RAVER2: variants seen among roughly 807,000 people sequenced by gnomAD.
RAVER2 encodes ribonucleoprotein, PTB binding 2.
Under a neutral mutation model 78.1 loss-of-function variants are expected in RAVER2, and 46 were observed. The ratio of observed to expected loss-of-function variants is 0.59; its 90% CI spans 0.46 to 0.75. RAVER2 has a LOEUF of 0.75. Among genes scored for constraint, RAVER2 ranks in the 30% least tolerant of loss-of-function variants. The pLI is 0.00. For missense variants in RAVER2, 793 were observed against 837.5 expected (o/e 0.95, Z 0.66); for synonymous variants, 311 against 313.3 (o/e 0.99, Z 0.08).
chr1:64,804,107 T>G (rs1653345202), intron 6 of RAVER2, among the ~76,000 whole-genome samples: 1 of 152,152 alleles, frequency 6.6e-6, no homozygotes. Context: ...CTCCTGCTGG[T>G]CCTTCTTCCT....
chr1:64,762,231 A>G (rs1652041963), intron 1 of RAVER2, among the ~76,000 whole-genome samples: 1 of 152,236 alleles, frequency 6.6e-6, no homozygotes, highest in Admixed American at 6.5e-5. Context: ...CGAAATCTCT[A>G]CACTGAAGAC....
At chr1:64,821,246 A>G (rs1421855968) in intron 11 of RAVER2, among the ~76,000 whole-genome samples, 1 of 151,954 alleles carries the variant, frequency 6.6e-6, no homozygotes, top group African/African-American at 2.4e-5. Context: ...GCCCACTTTA[A>G]TGGGGTTGTT....
chr1:64,821,335 C>T (rs1019532993), intron 11 of RAVER2, among the ~76,000 whole-genome samples: 1 of 152,100 alleles, frequency 6.6e-6, no homozygotes, highest in African/African-American at 2.4e-5. Context: ...AAAATTTTCT[C>T]CCATTCTGTA....
chr1:64,785,267 C>T (rs1295567781), intron 4 of RAVER2, among the ~76,000 whole-genome samples: 1 of 151,860 alleles, frequency 6.6e-6, no homozygotes, highest in Non-Finnish European at 1.5e-5. Flanking sequence ...AATATTTCTA[C>T]AACTATTGAG....
At chr1:64,803,055 A>T in exon 6 of RAVER2, 1 of 1,581,756 alleles carries the variant, frequency 6.3e-7, no homozygotes, top group Non-Finnish European at 8.7e-7. Context: ...TGAATAAAGC[A>T]CATCAGGTAC....
intron 5 of RAVER2, among the ~76,000 whole-genome samples, chr1:64,792,677 G>T (rs1264777063): frequency 1.3e-5 from 2 of 152,138 alleles, no homozygotes; most frequent in Non-Finnish European, 1.5e-5. Flanking sequence ...TTTTTCTTGT[G>T]TGGGGTGGAA....
chr1:64,804,928 G>T (rs1653370712), intron 7 of RAVER2, 63 bp from the exon 8 acceptor site: 1 of 1,544,146 alleles, frequency 6.5e-7, no homozygotes, highest in Non-Finnish European at 8.9e-7. Context: ...ATTTTCACGT[G>T]TGTAGCTTTT....
At chr1:64,823,703 A>C (rs570272874) in intron 11 of RAVER2, among the ~76,000 whole-genome samples, 1 of 152,338 alleles carries the variant, frequency 6.6e-6, no homozygotes, top group South Asian at 2.1e-4. Context: ...AATAGGTAAA[A>C]ATATATCTTA....
At chr1:64,823,189 CAG>C (rs1265339712) in intron 11 of RAVER2, among the ~76,000 whole-genome samples, 1 of 152,166 alleles carries the variant, frequency 6.6e-6, no homozygotes, top group Non-Finnish European at 1.5e-5. Context: ...CTGTACTAAA[CAG>C]AGAATAGCAT....
At chr1:64,777,266 A>T (rs1464198362) in intron 2 of RAVER2, among the ~76,000 whole-genome samples, 1 of 152,140 alleles carries the variant, frequency 6.6e-6, no homozygotes, top group East Asian at 1.9e-4. Context: ...ATAAAATTTT[A>T]TATCACAGGT....
intron 1 of RAVER2, among the ~76,000 whole-genome samples, chr1:64,750,663 T>C (rs1471743276): frequency 1.3e-5 from 2 of 152,218 alleles, no homozygotes; most frequent in Non-Finnish European, 2.9e-5. Flanking sequence ...ATTTGGTAAT[T>C]ATTGCCTCTT....
chr1:64,795,246 G>GT (rs1653065174), intron 5 of RAVER2, among the ~76,000 whole-genome samples: 1 of 152,080 alleles, frequency 6.6e-6, no homozygotes, highest in Admixed American at 6.5e-5. Context: ...ATCAGTTAGT[G>GT]TAAGTCCTTC....
intron 1 of RAVER2, among the ~76,000 whole-genome samples, chr1:64,763,456 T>C (rs545854892): frequency 6.6e-6 from 1 of 152,174 alleles, no homozygotes; most frequent in Non-Finnish European, 1.5e-5. Context: ...AAGGCCATAG[T>C]TGGATACACC....
intron 7 of RAVER2, 30 bp downstream of exon 7, chr1:64,804,868 A>G: frequency 6.6e-7 from 1 of 1,516,002 alleles, no homozygotes; most frequent in Non-Finnish European, 9.1e-7. Context: ...TTCTTTTAAA[A>G]TCAGTTCATT....
intron 5 of RAVER2, among the ~76,000 whole-genome samples, chr1:64,798,511 A>G (rs1473006228): frequency 6.6e-6 from 1 of 151,924 alleles, no homozygotes; most frequent in African/African-American, 2.4e-5. Context: ...TGACTTCCAC[A>G]ATGGTTGAAC....
At chr1:64,822,266 T>C (rs1164238212) in intron 11 of RAVER2, among the ~76,000 whole-genome samples, 2 of 152,258 alleles carry the variant, frequency 1.3e-5, no homozygotes, top group East Asian at 1.9e-4. Context: ...CCAGCCCAGG[T>C]GACAGAGCGA....
intron 3 of RAVER2, among the ~76,000 whole-genome samples, chr1:64,779,592 C>T (rs199953272): frequency 1.3e-5 from 2 of 150,692 alleles, no homozygotes; most frequent in African/African-American, 4.9e-5. Context: ...TGCCAGGCTG[C>T]TCTCAAACAC....
At chr1:64,807,365 G>A in exon 9 of RAVER2, 12 of 1,614,078 alleles carry the variant, frequency 7.4e-6, no homozygotes, top group Non-Finnish European at 1.0e-5. Context: ...AATTTCTCAG[G>A]GTCGCAGCCT....
intron 5 of RAVER2, among the ~76,000 whole-genome samples, chr1:64,791,974 T>C (rs1652955194): frequency 6.6e-6 from 1 of 152,216 alleles, no homozygotes; most frequent in African/African-American, 2.4e-5. Context: ...TGCAACTTTA[T>C]CAGTAAAATA....
Sources: allele counts gnomAD v4.1 joint callset (sites outside exome capture counted in the v4.1 genomes callset), GRCh38; gene constraint gnomAD v4.1.1; transcripts MANE v1.5; gene names NCBI Gene and HGNC (gene_info 2026-07-23, HGNC 2026-07-21).